C1orf21: variants seen among roughly 807,000 people sequenced by gnomAD.
The protein encoded by C1orf21 is uncharacterized protein C1orf21.
Under a neutral mutation model 18.7 loss-of-function variants are expected in C1orf21, and 3 were observed. The observed-to-expected ratio is 0.16, with a 90% confidence interval of 0.07 to 0.42. The LOEUF (loss-of-function observed/expected upper bound fraction) is 0.42, where lower values mean the gene tolerates loss of function less well. Ranked by LOEUF, C1orf21 falls within the 10% of genes least tolerant of loss-of-function variation. C1orf21 has a pLI of 0.99. For synonymous variants in C1orf21, 41 were observed against 46.4 expected, an observed-to-expected ratio of 0.88 and a Z score of 0.47; for missense variants, 104 against 143.6, an observed-to-expected ratio of 0.72 and a Z score of 1.41.
In C1orf21 at chr1:184,621,129, G is replaced by C. The variant is rs552488348; in HGVS notation, c.*1573G>C. The C allele has an allele frequency of 6.6e-6, 1 of 152,314 alleles. No individual in the cohort carries two copies. The highest frequency in any genetic ancestry group is 2.4e-5 in the African/African-American group (1 of 41,412). 9.4% of individuals were successfully genotyped at this position (152,314 alleles called of 1,614,324 possible). On this transcript the variant is annotated 3_prime_UTR_variant, in exon 6 of 6. Transcript: ENST00000235307. Reference sequence around the variant, plus strand: ...TGCTCTTGCCGAAAAGATGAGCCTCGATTTTAAAATCTATCCACATCCAAC... The same window carrying C: ...TGCTCTTGCCGAAAAGATGAGCCTCCATTTTAAAATCTATCCACATCCAAC...
chr1:184,598,098 C>T (rs1291369864), intron 4 of C1orf21, among the ~76,000 whole-genome samples: 4 of 151,380 alleles, frequency 2.6e-5, no homozygotes, highest in African/African-American at 9.7e-5. Context: ...TTTTTTAAAT[C>T]ACAAATGTGT....
At chr1:184,432,907 CAA>C (rs755256992) in intron 1 of C1orf21, among the ~76,000 whole-genome samples, 4 of 152,140 alleles carry the variant, frequency 2.6e-5, no homozygotes, top group Non-Finnish European at 5.9e-5. Context: ...TATTTGATAA[CAA>C]GAGACAAGTT....
intron 1 of C1orf21, among the ~76,000 whole-genome samples, chr1:184,450,350 C>T (rs1327971448): frequency 6.6e-6 from 1 of 152,268 alleles, no homozygotes; most frequent in East Asian, 1.9e-4. Context: ...TCGCCCCAAT[C>T]AGAGGCACCC....
chr1:184,616,826 CT>C (rs1354446026), intron 5 of C1orf21, among the ~76,000 whole-genome samples: 1 of 152,144 alleles, frequency 6.6e-6, no homozygotes, highest in Non-Finnish European at 1.5e-5. Context: ...TGAGACTTTG[CT>C]TTGATTTGAG....
chr1:184,539,545 G>A (rs1006661500), intron 3 of C1orf21, among the ~76,000 whole-genome samples: 1 of 152,186 alleles, frequency 6.6e-6, no homozygotes, highest in South Asian at 2.1e-4. Context: ...CAGTTATTTA[G>A]AAAAGTTTGA....
chr1:184,406,770 C>T (rs1420130354), intron 1 of C1orf21, among the ~76,000 whole-genome samples: 1 of 152,134 alleles, frequency 6.6e-6, no homozygotes, highest in Non-Finnish European at 1.5e-5. Context: ...TTTTTTCCTC[C>T]TTTCCACACT....
At chr1:184,443,739 A>G (rs1656987409) in intron 1 of C1orf21, among the ~76,000 whole-genome samples, 1 of 152,138 alleles carries the variant, frequency 6.6e-6, no homozygotes, top group South Asian at 2.1e-4. Flanking sequence ...CAGGGAAGGG[A>G]AGGATAGAGC....
In C1orf21 at chr1:184,614,743, CA is replaced by C. The variant is rs1450843043; in HGVS notation, c.328-4774del. Among the ~76,000 whole-genome samples the C allele has an allele frequency of 7.2e-5, 11 of 152,342 alleles. 1 individual carries two copies. The highest frequency in any genetic ancestry group is 6.8e-3 in the Middle Eastern group (2 of 294). ...ATCTGGGGATGGTGGGAGACACTGACAGATCATCAGGCATTGGATTCTCATA... is the reference window on the plus strand; with the variant it reads ...ATCTGGGGATGGTGGGAGACACTGACGATCATCAGGCATTGGATTCTCATA... On this transcript the variant is annotated intron_variant, in intron 5 of 5. Coordinates refer to ENST00000235307, the MANE Select transcript of C1orf21 (RefSeq NM_030806.4).
intron 3 of C1orf21, among the ~76,000 whole-genome samples, chr1:184,528,619 A>G (rs569790099): frequency 6.6e-6 from 1 of 152,038 alleles, no homozygotes; most frequent in South Asian, 2.1e-4. Flanking sequence ...TAATTTTTGT[A>G]TTTTTAGTAG....
chr1:184,500,700 T>C (rs922779639), intron 2 of C1orf21, among the ~76,000 whole-genome samples: 2 of 152,178 alleles, frequency 1.3e-5, no homozygotes, highest in African/African-American at 4.8e-5. Context: ...AATTCACTGG[T>C]GTGCTGTTTC....
intron 3 of C1orf21, among the ~76,000 whole-genome samples, chr1:184,588,897 G>A (rs1197028746): frequency 6.6e-6 from 1 of 152,070 alleles, no homozygotes; most frequent in Non-Finnish European, 1.5e-5. Flanking sequence ...CGCACTCCTG[G>A]GAGTGATGCG....
chr1:184,439,170 C>G (rs1309484406), intron 1 of C1orf21, among the ~76,000 whole-genome samples: 2 of 152,026 alleles, frequency 1.3e-5, no homozygotes, highest in Non-Finnish European at 2.9e-5. Context: ...AAGATCACAC[C>G]ACTGCACTCC....
chr1:184,503,803 G>A (rs1413934114), intron 2 of C1orf21, among the ~76,000 whole-genome samples: 1 of 152,134 alleles, frequency 6.6e-6, no homozygotes, highest in African/African-American at 2.4e-5. Flanking sequence ...GGTTACCTTT[G>A]TATTTAATAG....
intron 1 of C1orf21, among the ~76,000 whole-genome samples, chr1:184,399,812 G>A (rs1007066347): frequency 2.0e-5 from 3 of 152,148 alleles, no homozygotes; most frequent in Non-Finnish European, 4.4e-5. Flanking sequence ...TTTAGTAAGG[G>A]TTATAAAATG....
At chr1:184,515,095 G>A (rs943470393) in intron 3 of C1orf21, among the ~76,000 whole-genome samples, 11 of 152,234 alleles carry the variant, frequency 7.2e-5, no homozygotes, top group Admixed American at 3.3e-4. Context: ...ATTAAATAAG[G>A]TATACCTATA....
At chr1:184,466,619 T>A (rs1261824908) in intron 1 of C1orf21, among the ~76,000 whole-genome samples, 1 of 152,250 alleles carries the variant, frequency 6.6e-6, no homozygotes, top group Non-Finnish European at 1.5e-5. Context: ...AAATAATATT[T>A]ATAATTTCAA....
At chr1:184,500,163 C>G (rs1236423796) in intron 2 of C1orf21, among the ~76,000 whole-genome samples, 3 of 152,126 alleles carry the variant, frequency 2.0e-5, no homozygotes, top group African/African-American at 4.8e-5. Context: ...CTATAGAGAG[C>G]CTTGGTTTGC....
At chr1:184,406,384 C>G (rs924543473) in intron 1 of C1orf21, among the ~76,000 whole-genome samples, 5 of 151,986 alleles carry the variant, frequency 3.3e-5, no homozygotes, top group African/African-American at 4.8e-5. Context: ...GGGAGTAATA[C>G]TCTTTTAAGA....
chr1:184,397,038 A>C (rs1386116809), intron 1 of C1orf21, among the ~76,000 whole-genome samples: 2 of 152,198 alleles, frequency 1.3e-5, no homozygotes, highest in African/African-American at 4.8e-5. Context: ...AGTATGTAGA[A>C]GAAAACTAAA....
Sources: gnomAD v4.1 joint callset for allele counts (sites outside exome capture counted in the v4.1 genomes callset) on GRCh38, gnomAD v4.1.1 for gene constraint, MANE v1.5 for transcripts, NCBI Gene and HGNC (gene_info 2026-07-23, HGNC 2026-07-21) for gene names.